Variants in IL1R1 observed in about 807,000 individuals in gnomAD.
IL1R1 encodes interleukin 1 receptor type 1.
In IL1R1, 22 loss-of-function variants were observed where a neutral mutation model predicts 50.2. The observed-to-expected ratio is 0.44, with a 90% CI of 0.31 to 0.63. IL1R1 has a LOEUF of 0.63. Among genes scored for constraint, IL1R1 ranks in the 20% least tolerant of loss-of-function variants. The pLI is 0.07. For synonymous variants in IL1R1, 251 were observed against 236.7 expected (o/e 1.06, Z -0.55); for missense variants, 509 against 676.2 (o/e 0.75, Z 2.74).
chr2:102,134,358 A>G (rs996837189), intron 1 of IL1R1, among the ~76,000 whole-genome samples: 1 of 149,464 alleles, frequency 6.7e-6, no homozygotes. Flanking sequence ...AGATACCTGC[A>G]TCACTACTTT....
intron 1 of IL1R1, among the ~76,000 whole-genome samples, chr2:102,119,017 C>CAAAAAAA (rs56327525): frequency 2.8e-4 from 21 of 74,294 alleles, no homozygotes; most frequent in African/African-American, 5.6e-4. Context: ...GACTGTGTCT[C>CAAAAAAA]AAAAAAAAAA....
At chr2:102,141,378 C>G (rs1192340132), upstream of IL1R1, among the ~76,000 whole-genome samples, 2 of 152,192 alleles carry the variant, frequency 1.3e-5, no homozygotes, top group African/African-American at 2.4e-5. Context: ...GCTGTGAGAC[C>G]TTCTGCTGTA....
At chr2:102,130,395 T>G (rs2104414354) in intron 1 of IL1R1, among the ~76,000 whole-genome samples, 1 of 152,342 alleles carries the variant, frequency 6.6e-6, no homozygotes, top group South Asian at 2.1e-4. Context: ...GCAAAATTCT[T>G]AGGTTTGGCA....
intron 1 of IL1R1, among the ~76,000 whole-genome samples, chr2:102,131,225 C>T (rs1026849342): frequency 5.3e-5 from 8 of 152,080 alleles, no homozygotes; most frequent in East Asian, 1.9e-4. Context: ...TCCTGTCTGC[C>T]GAGTCTTAAA....
intron 1 of IL1R1, among the ~76,000 whole-genome samples, chr2:102,111,864 T>G (rs898890222): frequency 1.3e-5 from 2 of 152,068 alleles, no homozygotes; most frequent in African/African-American, 4.8e-5. Flanking sequence ...CTTTCTAACT[T>G]TAGAAAGATA....
At chr2:102,093,789 A>G (rs1396367139) in intron 1 of IL1R1, among the ~76,000 whole-genome samples, 3 of 152,104 alleles carry the variant, frequency 2.0e-5, no homozygotes, top group Non-Finnish European at 2.9e-5. Context: ...GTCTGGCCCT[A>G]CCTGCAGTGG....
At chr2:102,143,225 A>G (rs940315877) in intron 1 of IL1R1, among the ~76,000 whole-genome samples, 12 of 152,178 alleles carry the variant, frequency 7.9e-5, no homozygotes, top group Non-Finnish European at 1.6e-4. Context: ...AACGTTGTTC[A>G]GGTCGTTTGA....
intron 1 of IL1R1, among the ~76,000 whole-genome samples, chr2:102,145,842 G>A (rs539985731): frequency 1.7e-4 from 26 of 152,268 alleles, no homozygotes; most frequent in African/African-American, 6.3e-4. Flanking sequence ...TGCTGGGCAC[G>A]GGTATTTTCA....
intron 1 of IL1R1, among the ~76,000 whole-genome samples, chr2:102,117,913 G>C (rs79522751): frequency 0.027 from 3,971 of 144,562 alleles, 190 homozygotes; most frequent in African/African-American, 0.093. Context: ...TGTTTGTAAA[G>C]GAACAAGAAA....
intron 1 of IL1R1, among the ~76,000 whole-genome samples, chr2:102,089,297 T>C (rs1172524724): frequency 1.3e-5 from 2 of 152,164 alleles, no homozygotes; most frequent in Non-Finnish European, 2.9e-5. Context: ...TTCAATATTG[T>C]TGCATCTCAG....
chr2:102,076,009 T>C (rs1010374042), intron 1 of IL1R1, among the ~76,000 whole-genome samples: 1 of 152,220 alleles, frequency 6.6e-6, no homozygotes, highest in Non-Finnish European at 1.5e-5. Context: ...ACGCTTTCAT[T>C]TCTCCCTTCC....
Position 102,108,668 on chromosome 2 carries a change from G to A in IL1R1, c.-84+3796G>A, listed in dbSNP as rs138879622. On this transcript the variant is annotated intron_variant, in intron 1 of 10. Transcript: ENST00000409329. ...AAAAACCTAAATGGAGCTTTTCTAG[G>A]GGCAACTGGTTATTTATTTCGTTTA... Among the ~76,000 whole-genome samples, 145 of 152,134 alleles carry A rather than the reference G, an allele frequency of 9.5e-4. 2 individuals carry two copies. In the East Asian group the frequency reaches 0.025, roughly 26 times the overall value.
At chr2:102,174,812 T>C in intron 10 of IL1R1, 82 bp downstream of exon 10, 1 of 1,151,968 alleles carries the variant, frequency 8.7e-7, no homozygotes, top group Non-Finnish European at 1.2e-6. Context: ...AAGAGGGTTT[T>C]TACTAAGAGG....
chr2:102,128,869 A>G (rs142622188), intron 1 of IL1R1, among the ~76,000 whole-genome samples: 305 of 152,236 alleles, frequency 2.0e-3, no homozygotes, highest in Admixed American at 3.8e-3. Flanking sequence ...ATCTTGGGCA[A>G]GTTCCTTAAC....
Position 102,142,876 on chromosome 2 carries a change from C to T in IL1R1, c.-228C>T, listed in dbSNP as rs888864432. On this transcript the variant is annotated 5_prime_UTR_variant, in exon 1 of 12. Coordinates refer to ENST00000410023, the MANE Select transcript of IL1R1 (RefSeq NM_000877.4). ...TGGGGGCGCCGGCCTGCCCCGCGCGCCCCAGGGAGCGGCAGGAATGTGACA... is the reference window on the plus strand; with the variant it reads ...TGGGGGCGCCGGCCTGCCCCGCGCGTCCCAGGGAGCGGCAGGAATGTGACA... 1 of 150,708 alleles carries T rather than the reference C, an allele frequency of 6.6e-6. No individual in the cohort carries two copies. The highest frequency in any genetic ancestry group is 1.5e-5 in the Non-Finnish European group (1 of 67,670). 9.3% of individuals were successfully genotyped at this position (150,708 alleles called of 1,614,324 possible).
chr2:102,141,505 T>C (rs990598089), upstream of IL1R1, among the ~76,000 whole-genome samples: 1 of 152,200 alleles, frequency 6.6e-6, no homozygotes, highest in Admixed American at 6.5e-5. Context: ...TGGAAACAGA[T>C]TGTTTAAGAA....
chr2:102,176,614 G>C lies in IL1R1; in HGVS notation c.1565G>C (p.Gly522Ala). 1 of 1,614,150 alleles carries C rather than the reference G, an allele frequency of 6.2e-7. No homozygotes were observed. The change falls in exon 12 of 12, where the codon GGA becomes GCA. Residue 522 changes from glycine to alanine, a missense_variant. Gly to Ala is a moderately conservative substitution (Grantham distance 60, BLOSUM62 0). Transcript: ENST00000410023. Reference protein sequence around the residue: ...AIRWSGDFTQGPQSAKTRFWK... With the variant: ...AIRWSGDFTQAPQSAKTRFWK... ...CGCTGGTCAGGGGACTTTACACAGG[G>C]ACCACAGTCTGCAAAGACAAGGTTC...
At chr2:102,073,131 C>T (rs1377031248) in intron 1 of IL1R1, among the ~76,000 whole-genome samples, 4 of 152,164 alleles carry the variant, frequency 2.6e-5, no homozygotes, top group African/African-American at 4.8e-5. Flanking sequence ...CAAGGCTCCA[C>T]TTTGGATGCA....
In IL1R1 at chr2:102,166,300, C is replaced by A; in HGVS notation, c.655+19C>A. ...ACTCTAGGTGAGTCATAGCTCCAGC[C>A]CTAAAAGGTTTAGATCTGGGAAGGT... On this transcript the variant is annotated intron_variant, in intron 6 of 11. Coordinates refer to ENST00000410023, the MANE Select transcript of IL1R1 (RefSeq NM_000877.4). 6.3e-7 allele frequency: 1 copy of A among 1,585,552 alleles called. No homozygotes were observed.
Sources: gnomAD v4.1 joint callset for allele counts (sites outside exome capture counted in the v4.1 genomes callset) on GRCh38, gnomAD v4.1.1 for gene constraint, MANE v1.5 for transcripts, NCBI Gene and HGNC (gene_info 2026-07-23, HGNC 2026-07-21) for gene names.